JARID2: variants seen among roughly 807,000 people sequenced by gnomAD.
JARID2 encodes jumonji and AT-rich interaction domain containing 2.
A neutral mutation model predicts 125.6 loss-of-function variants in JARID2; 21 were observed. That is an observed-to-expected ratio of 0.17 (90% confidence interval 0.12 to 0.24). JARID2 has a LOEUF of 0.24. Ranked by LOEUF, JARID2 falls within the 10% of genes least tolerant of loss-of-function variation. JARID2 has a pLI of 1.00. For synonymous variants in JARID2, 736 were observed against 661.6 expected (o/e 1.11, Z -1.73); for missense variants, 1,303 against 1,639.6 (o/e 0.79, Z 3.55).
At chr6:15,349,928 G>A (rs1581442307) in intron 1 of JARID2, among the ~76,000 whole-genome samples, 1 of 152,044 alleles carries the variant, frequency 6.6e-6, no homozygotes, top group East Asian at 1.9e-4. Flanking sequence ...CTATGATTCT[G>A]CGTCTTTTGC....
At chr6:15,380,879 G>A (rs1263638007) in intron 2 of JARID2, among the ~76,000 whole-genome samples, 1 of 152,014 alleles carries the variant, frequency 6.6e-6, no homozygotes, top group Non-Finnish European at 1.5e-5. Flanking sequence ...ATTTACGTAA[G>A]TTTATTTGTG....
At chr6:15,437,547 C>T (rs1012485492) in intron 3 of JARID2, among the ~76,000 whole-genome samples, 3 of 151,846 alleles carry the variant, frequency 2.0e-5, no homozygotes, top group Admixed American at 6.6e-5. Context: ...ATAGAAGAAA[C>T]GTATTTTAAA....
intron 1 of JARID2, among the ~76,000 whole-genome samples, chr6:15,312,207 A>G (rs1343847310): frequency 6.6e-6 from 1 of 152,052 alleles, no homozygotes; most frequent in African/African-American, 2.4e-5. Context: ...GGCGTTTGCC[A>G]CCACGCCTGG....
At chr6:15,409,423 G>A (rs992771855) in intron 2 of JARID2, among the ~76,000 whole-genome samples, 36 of 152,348 alleles carry the variant, frequency 2.4e-4, no homozygotes, top group African/African-American at 7.9e-4. Context: ...TGTCTTATCA[G>A]TGGAAGCTTC....
intron 1 of JARID2, among the ~76,000 whole-genome samples, chr6:15,282,922 T>C (rs937223844): frequency 1.3e-5 from 2 of 150,654 alleles, no homozygotes; most frequent in Non-Finnish European, 3.0e-5. Flanking sequence ...CTTTTTCTTA[T>C]GACTTTTTGT....
At chr6:15,464,037 A>G (rs1401669792) in intron 4 of JARID2, among the ~76,000 whole-genome samples, 1 of 152,148 alleles carries the variant, frequency 6.6e-6, no homozygotes, top group Non-Finnish European at 1.5e-5. Flanking sequence ...AGTTTCTTAG[A>G]TGCTTTGTGT....
chr6:15,256,947 T>G (rs1759689424), intron 1 of JARID2, among the ~76,000 whole-genome samples: 1 of 152,186 alleles, frequency 6.6e-6, no homozygotes, highest in African/African-American at 2.4e-5. Flanking sequence ...AGGGAATCGG[T>G]ATGAATCTAG....
Position 15,497,188 on chromosome 6 carries a change from G to A in JARID2, c.1945+18G>A, listed in dbSNP as rs903681949. The A allele has an allele frequency of 2.0e-6, 3 of 1,522,996 alleles. No individual in the cohort carries two copies. Among genetic ancestry groups the A allele is most frequent in the African/African-American group, 2.8e-5 (2 of 72,670 alleles). 94.3% of individuals were successfully genotyped at this position (1,522,996 alleles called of 1,614,324 possible). A position where few individuals can be genotyped will look rare whatever the true frequency, so the allele number is the denominator to read the frequency against. ...GCTCATAGGTAGGTCTGGGCGGGGG[G>A]TCAGGGGGTGGTGCCTGCCCTCCTG... On this transcript the variant is annotated intron_variant, in intron 7 of 17. Transcript: ENST00000341776.
At chr6:15,479,087 A>G (rs1395479128) in intron 5 of JARID2, among the ~76,000 whole-genome samples, 1 of 152,200 alleles carries the variant, frequency 6.6e-6, no homozygotes, top group Non-Finnish European at 1.5e-5. Context: ...GATTCTTGCC[A>G]GTGATAAAGC....
At chr6:15,357,569 GTC>G (rs994171067) in intron 1 of JARID2, among the ~76,000 whole-genome samples, 5 of 152,242 alleles carry the variant, frequency 3.3e-5, no homozygotes, top group East Asian at 1.9e-4. Flanking sequence ...AAAGGGAAAA[GTC>G]TCTCTAAGCA....
intron 16 of JARID2, among the ~76,000 whole-genome samples, chr6:15,516,466 C>T (rs936263131): frequency 3.9e-5 from 6 of 152,216 alleles, no homozygotes; most frequent in Admixed American, 1.3e-4. Context: ...CCTGTGGCCT[C>T]AGGCAGCAGG....
In JARID2 at chr6:15,496,489, G is replaced by T. The variant is rs903863527; in HGVS notation, c.1264G>T (p.Val422Leu). The T allele has an allele frequency of 1.2e-5, 19 of 1,610,438 alleles. No homozygotes were observed. The Admixed American group carries it at 3.2e-4, about 27-fold the overall frequency. Residue 422 changes from valine (V) to leucine (L), a missense_variant, in exon 7 of 18, where the codon GTG (valine) becomes TTG (leucine). Val to Leu is a conservative substitution (Grantham distance 32, BLOSUM62 1). Around this residue, in one of 11 missense-constraint regions of JARID2, gnomAD observed 651 missense variants for 581.6 expected, o/e 1.12. Coordinates refer to ENST00000341776, the MANE Select transcript of JARID2 (RefSeq NM_004973.4). The part of the protein sequence containing the change: ...RLNPKSCTKE[V>L]GGRQLREGLQ... ...GAACCCAAAGTCATGCACTAAGGAGGTGGGGGGGCGGCAGCTGCGGGAGGG... is the reference window on the plus strand; with the variant it reads ...GAACCCAAAGTCATGCACTAAGGAGTTGGGGGGGCGGCAGCTGCGGGAGGG...
At chr6:15,379,305 C>T (rs1475143016) in intron 2 of JARID2, among the ~76,000 whole-genome samples, 1 of 152,066 alleles carries the variant, frequency 6.6e-6, no homozygotes, top group Admixed American at 6.6e-5. Context: ...GTAAGATTTG[C>T]TGATTGTGAG....
chr6:15,369,109 A>G (rs1052289904), intron 1 of JARID2, among the ~76,000 whole-genome samples: 1 of 152,124 alleles, frequency 6.6e-6, no homozygotes, highest in Non-Finnish European at 1.5e-5. Context: ...TGATGTTATC[A>G]TGTGCTTACT....
intron 7 of JARID2, 61 bp downstream of exon 7, chr6:15,497,231 T>G: frequency 3.0e-5 from 36 of 1,205,754 alleles, no homozygotes; most frequent in Non-Finnish European, 3.9e-5. Context: ...ATCCCTGCAG[T>G]TCCCTCACAG....
At chr6:15,420,498 A>G (rs1022366360) in intron 3 of JARID2, among the ~76,000 whole-genome samples, 3 of 152,232 alleles carry the variant, frequency 2.0e-5, no homozygotes, top group South Asian at 2.1e-4. Flanking sequence ...TGTGGAGTAC[A>G]GTTACAAGAG....
intron 1 of JARID2, among the ~76,000 whole-genome samples, chr6:15,251,114 C>G (rs948352572): frequency 6.6e-5 from 10 of 152,134 alleles, no homozygotes; most frequent in African/African-American, 2.4e-4. Context: ...CGGGTTCAAT[C>G]GATTCTCCTG....
At chr6:15,249,585 GA>G (rs1375436212) in intron 1 of JARID2, among the ~76,000 whole-genome samples, 1 of 152,176 alleles carries the variant, frequency 6.6e-6, no homozygotes, top group Non-Finnish European at 1.5e-5. Context: ...CATGTGCATG[GA>G]AGATGTAAAA....
At chr6:15,459,131 A>G (rs2127656750) in intron 4 of JARID2, among the ~76,000 whole-genome samples, 2 of 152,352 alleles carry the variant, frequency 1.3e-5, no homozygotes, top group East Asian at 3.9e-4. Flanking sequence ...TCTAGAGTCT[A>G]TAGCACATAG....
Sources: gnomAD v4.1 joint callset for allele counts (sites outside exome capture counted in the v4.1 genomes callset) on GRCh38, gnomAD v4.1.1 for gene constraint, gnomAD v4.1.1 regional missense constraint, MANE v1.5 for transcripts, NCBI Gene and HGNC (gene_info 2026-07-23, HGNC 2026-07-21) for gene names.